ZMYND8: variants seen among roughly 807,000 people sequenced by gnomAD.
ZMYND8 encodes zinc finger MYND-type containing 8, also known as MYND-type zinc finger-containing chromatin reader ZMYND8.
ZMYND8 carries 37 observed loss-of-function variants against 140.8 expected under a neutral mutation model. The observed-to-expected ratio is 0.26, with a 90% CI of 0.20 to 0.35. ZMYND8 has a LOEUF of 0.35. Ranked by LOEUF, ZMYND8 falls within the 10% of genes least tolerant of loss-of-function variation. The probability of loss-of-function intolerance (pLI) is 1.00; values close to 1 mark genes in which losing one functional copy is unlikely to be tolerated. For missense variants in ZMYND8, 1,068 were observed against 1,570.0 expected, an observed-to-expected ratio of 0.68 and a Z score of 5.40; for synonymous variants, 592 against 597.1, an observed-to-expected ratio of 0.99 and a Z score of 0.12.
At chr20:47,220,179 A>G (rs979190804) in intron 21 of ZMYND8, 79 bp downstream of exon 21, 1 of 1,350,858 alleles carries the variant, frequency 7.4e-7, no homozygotes, top group African/African-American at 1.5e-5. Flanking sequence ...AAACCCTTCA[A>G]ATTCTCCCTG....
chr20:47,345,833 G>A lies in ZMYND8; in HGVS notation c.85+2023C>T, dbSNP rs1236457642. The stretch of plus-strand genomic sequence containing the variant: ...CCACTTTTTTTTTTTTAATAGAGAT[G>A]GGGGCGGGAGGGGGGGGTCTCGTTA... On this transcript the variant is annotated intron_variant, in intron 2 of 22. Coordinates refer to ENST00000471951, the MANE Select transcript of ZMYND8 (RefSeq NM_001281775.3). Among the ~76,000 whole-genome samples the A allele has an allele frequency of 1.6e-4, 24 of 150,392 alleles. No individual in the cohort carries two copies. The East Asian group carries it at 3.3e-3, about 21-fold the overall frequency.
intron 7 of ZMYND8, 138 bp from the exon 8 acceptor site, chr20:47,287,422 T>C: frequency 1.4e-6 from 1 of 708,640 alleles, no homozygotes; most frequent in Middle Eastern, 2.4e-4. Flanking sequence ...CAGAGGTTCC[T>C]GGCTTCTAAT....
At chr20:47,255,231 A>C (rs1013467508) in intron 12 of ZMYND8, among the ~76,000 whole-genome samples, 4 of 152,144 alleles carry the variant, frequency 2.6e-5, no homozygotes, top group Admixed American at 2.0e-4. Context: ...CTAGAAACTA[A>C]AAACTTGCAA....
At chr20:47,314,106 C>A (rs1336987670) in intron 2 of ZMYND8, among the ~76,000 whole-genome samples, 1 of 151,948 alleles carries the variant, frequency 6.6e-6, no homozygotes, top group Non-Finnish European at 1.5e-5. Flanking sequence ...GGGAGGGGTG[C>A]CTGCAGGGAG....
At chr20:47,241,258 G>T (rs1438236067) in intron 14 of ZMYND8, among the ~76,000 whole-genome samples, 3 of 140,754 alleles carry the variant, frequency 2.1e-5, no homozygotes, top group Non-Finnish European at 3.0e-5. Flanking sequence ...TCGCCCCATT[G>T]CACTCCAGCC....
intron 13 of ZMYND8, among the ~76,000 whole-genome samples, chr20:47,247,328 C>T (rs1411875427): frequency 6.6e-6 from 1 of 152,192 alleles, no homozygotes; most frequent in Non-Finnish European, 1.5e-5. Context: ...ACACTTGTCT[C>T]CAGGTGACCC....
intron 2 of ZMYND8, among the ~76,000 whole-genome samples, chr20:47,347,053 C>A (rs2082396651): frequency 6.6e-6 from 1 of 152,190 alleles, no homozygotes; most frequent in Admixed American, 6.5e-5. Context: ...CCCCATAACC[C>A]CCAGTGCAAG....
At chr20:47,269,136 T>C (rs541245032) in intron 11 of ZMYND8, among the ~76,000 whole-genome samples, 1 of 151,932 alleles carries the variant, frequency 6.6e-6, no homozygotes, top group Non-Finnish European at 1.5e-5. Flanking sequence ...GAGGCGGAGG[T>C]TGCAGTGAGC....
chr20:47,288,684 C>T (rs2077072123), intron 7 of ZMYND8, among the ~76,000 whole-genome samples: 1 of 152,162 alleles, frequency 6.6e-6, no homozygotes, highest in Non-Finnish European at 1.5e-5. Context: ...TGAGCCACTG[C>T]ACCTGACCCA....
chr20:47,232,524 TA>T (rs1056638124), intron 16 of ZMYND8, among the ~76,000 whole-genome samples: 84 of 145,542 alleles, frequency 5.8e-4, no homozygotes, highest in Non-Finnish European at 4.9e-4. Context: ...ACCCCAACTC[TA>T]AAAAAAAAAA....
intron 2 of ZMYND8, among the ~76,000 whole-genome samples, chr20:47,323,118 G>A (rs1400740412): frequency 6.6e-6 from 1 of 152,184 alleles, no homozygotes; most frequent in East Asian, 1.9e-4. Flanking sequence ...TGCATACAAA[G>A]TGAATGAAAG....
intron 21 of ZMYND8, among the ~76,000 whole-genome samples, chr20:47,216,817 G>A (rs77118886): frequency 2.6e-5 from 4 of 152,018 alleles, no homozygotes; most frequent in Admixed American, 1.3e-4. Flanking sequence ...CAAAAAAGTA[G>A]AATAAAAAAA....
chr20:47,229,470 T>C (rs114897365), intron 17 of ZMYND8, among the ~76,000 whole-genome samples: 199 of 152,246 alleles, frequency 1.3e-3, no homozygotes, highest in African/African-American at 4.5e-3. Context: ...GTTTCACCAG[T>C]AGGTTAACTG....
intron 2 of ZMYND8, among the ~76,000 whole-genome samples, chr20:47,325,024 C>G (rs1175147819): frequency 6.6e-6 from 1 of 152,186 alleles, no homozygotes; most frequent in Non-Finnish European, 1.5e-5. Flanking sequence ...CCTGCCTCAG[C>G]CTCTCGAGTA....
At chr20:47,315,384 C>T (rs1449500973) in intron 2 of ZMYND8, among the ~76,000 whole-genome samples, 2 of 152,072 alleles carry the variant, frequency 1.3e-5, no homozygotes, top group Admixed American at 6.5e-5. Flanking sequence ...TCCAAGGGGT[C>T]GAAATTTGAT....
intron 19 of ZMYND8, among the ~76,000 whole-genome samples, chr20:47,222,882 T>C (rs1306592933): frequency 2.0e-5 from 3 of 152,362 alleles, no homozygotes; most frequent in Admixed American, 2.0e-4. Flanking sequence ...CATCCATCCA[T>C]TTATATATCA....
At chr20:47,233,222 T>TC (rs932955054) in intron 16 of ZMYND8, among the ~76,000 whole-genome samples, 3 of 149,824 alleles carry the variant, frequency 2.0e-5, no homozygotes, top group African/African-American at 7.4e-5. Flanking sequence ...TTTTTTTTTT[T>TC]TTTTGAGACA....
chr20:47,341,585 A>G (rs994136846), intron 2 of ZMYND8, among the ~76,000 whole-genome samples: 28 of 151,216 alleles, frequency 1.9e-4, no homozygotes, highest in Non-Finnish European at 7.4e-5. Flanking sequence ...ATGAGCACAC[A>G]CTTGGCCAGG....
intron 8 of ZMYND8, among the ~76,000 whole-genome samples, chr20:47,284,478 C>T (rs2076802142): frequency 6.6e-6 from 1 of 152,188 alleles, no homozygotes; most frequent in South Asian, 2.1e-4. Flanking sequence ...TAAGTGTCAG[C>T]AGTACCAAGC....
Sources: gnomAD v4.1 joint callset for allele counts (sites outside exome capture counted in the v4.1 genomes callset) on GRCh38, gnomAD v4.1.1 for gene constraint, MANE v1.5 for transcripts, NCBI Gene and HGNC (gene_info 2026-07-23, HGNC 2026-07-21) for gene names.